LARGE1: variants seen among roughly 807,000 people sequenced by gnomAD.
The protein encoded by LARGE1 is LARGE xylosyl- and glucuronyltransferase 1.
LARGE1 carries 43 observed loss-of-function variants against 87.6 expected under a neutral mutation model. The observed-to-expected ratio is 0.49, with a 90% confidence interval of 0.38 to 0.63. LARGE1 has a LOEUF of 0.63. Ranked by LOEUF, LARGE1 falls within the 30% of genes least tolerant of loss-of-function variation. The pLI is 0.00. For synonymous variants in LARGE1, 434 were observed against 394.6 expected, an observed-to-expected ratio of 1.10 and a Z score of -1.18; for missense variants, 802 against 1,000.2, an observed-to-expected ratio of 0.80 and a Z score of 2.67.
chr22:33,552,732 AT>A (rs1213871325), intron 6 of LARGE1, among the ~76,000 whole-genome samples: 1 of 152,212 alleles, frequency 6.6e-6, no homozygotes, highest in Non-Finnish European at 1.5e-5. Context: ...ATATCAAAAC[AT>A]TTGCCAGGAG....
intron 2 of LARGE1, among the ~76,000 whole-genome samples, chr22:33,689,185 A>ATG (rs112442829): frequency 0.077 from 11,161 of 144,582 alleles, 524 homozygotes; most frequent in Middle Eastern, 0.12. Flanking sequence ...CTGTGTGTGT[A>ATG]TGTGTGTGTG....
intron 4 of LARGE1, among the ~76,000 whole-genome samples, chr22:33,625,339 A>G (rs1284932580): frequency 6.6e-6 from 1 of 152,236 alleles, no homozygotes; most frequent in Non-Finnish European, 1.5e-5. Flanking sequence ...TTCCATGAGA[A>G]AGCAGAAGCC....
At chr22:33,880,437 T>C (rs556050158) in intron 1 of LARGE1, among the ~76,000 whole-genome samples, 3 of 152,310 alleles carry the variant, frequency 2.0e-5, no homozygotes, top group South Asian at 2.1e-4. Context: ...TGAGGCTTAA[T>C]TGAGAAATGT....
chr22:33,155,667 A>T, the LARGE1 span, among the ~76,000 whole-genome samples: 2 of 152,150 alleles, frequency 1.3e-5, no homozygotes, highest in African/African-American at 4.8e-5. Context: ...GAAAATAAAA[A>T]CCCATTTTCT....
At chr22:33,142,470 G>A in the LARGE1 span, among the ~76,000 whole-genome samples, 1 of 152,046 alleles carries the variant, frequency 6.6e-6, no homozygotes, top group African/African-American at 2.4e-5. Context: ...GTTGTTTTTG[G>A]CAGTGCCCTT....
At position 33,266,686 on chromosome 22, in the gene LARGE1, C is replaced by T. The variant is rs377429370; in HGVS notation, c.1730+37543G>A. On this transcript the variant is annotated intron_variant, in intron 11 of 11. Coordinates refer to the LARGE1 transcript ENST00000608642. ...CAGCAGGAGTATGAAAAGGCTAAGA[C>T]GCTAACTGAGCAGGGAACAGCTGGT... is the stretch of plus-strand genomic sequence containing the variant. Among the ~76,000 whole-genome samples the T allele has an allele frequency of 6.6e-5, 10 of 151,732 alleles. 1 individual carries two copies. The highest frequency in any genetic ancestry group is 9.7e-5 in the African/African-American group (4 of 41,072).
chr22:33,886,774 T>TAC (rs1160350823), intron 1 of LARGE1, among the ~76,000 whole-genome samples: 2 of 151,882 alleles, frequency 1.3e-5, no homozygotes, highest in Non-Finnish European at 2.9e-5. Context: ...AAAATTATTT[T>TAC]TATAGTAAAT....
chr22:33,602,997 T>A (rs1476881178), intron 5 of LARGE1, among the ~76,000 whole-genome samples: 2 of 152,230 alleles, frequency 1.3e-5, no homozygotes, highest in Non-Finnish European at 2.9e-5. Context: ...GGAGACAGAG[T>A]GGCTTGCTTT....
chr22:33,645,041 G>T (rs903791475), intron 3 of LARGE1, among the ~76,000 whole-genome samples: 26 of 152,172 alleles, frequency 1.7e-4, no homozygotes, highest in Middle Eastern at 3.4e-3. Context: ...TTTCTTCAAA[G>T]AATTAGAAAA....
intron 12 of LARGE1, among the ~76,000 whole-genome samples, chr22:33,285,380 C>G (rs1265113676): frequency 6.6e-6 from 1 of 152,176 alleles, no homozygotes; most frequent in Non-Finnish European, 1.5e-5. Flanking sequence ...AATCCCAGCC[C>G]TTCGGGAGGC....
At chr22:33,793,421 CAG>C (rs1240330509) in intron 1 of LARGE1, among the ~76,000 whole-genome samples, 3 of 152,208 alleles carry the variant, frequency 2.0e-5, no homozygotes, top group African/African-American at 7.2e-5. Flanking sequence ...TCGTCTGAAA[CAG>C]GGAGCAGCAG....
chr22:33,350,089 C>T (rs575062365), intron 9 of LARGE1, among the ~76,000 whole-genome samples: 1 of 152,256 alleles, frequency 6.6e-6, no homozygotes, highest in South Asian at 2.1e-4. Context: ...AAAAGGACAA[C>T]AGGAAAATGA....
chr22:33,872,360 T>TATG (rs1335490822), intron 1 of LARGE1, among the ~76,000 whole-genome samples: 1 of 20,790 alleles, frequency 4.8e-5, no homozygotes, highest in Non-Finnish European at 7.0e-5. Flanking sequence ...AAATGCTATC[T>TATG]ATTATTATTA....
At chr22:33,289,787 T>A (rs1018372577) in intron 12 of LARGE1, among the ~76,000 whole-genome samples, 2 of 152,090 alleles carry the variant, frequency 1.3e-5, no homozygotes, top group African/African-American at 4.8e-5. Context: ...GTGGGGAAAC[T>A]GTGAATTTGA....
the LARGE1 span, among the ~76,000 whole-genome samples, chr22:33,084,208 G>C: frequency 6.6e-6 from 1 of 152,120 alleles, no homozygotes; most frequent in Non-Finnish European, 1.5e-5. Flanking sequence ...TCCCCAAGCT[G>C]AGTTAGGTAC....
chr22:33,425,884 G>A (rs1324406604), intron 7 of LARGE1, among the ~76,000 whole-genome samples: 3 of 152,080 alleles, frequency 2.0e-5, no homozygotes, highest in African/African-American at 4.8e-5. Context: ...CTACAGGCAC[G>A]TGCCACCATG....
chr22:33,138,987 G>T, the LARGE1 span, among the ~76,000 whole-genome samples: 1 of 152,082 alleles, frequency 6.6e-6, no homozygotes, highest in Admixed American at 6.5e-5. Flanking sequence ...TCGTGATAGT[G>T]AATAAGTCTC....
intron 1 of LARGE1, among the ~76,000 whole-genome samples, chr22:33,878,332 T>C (rs1324533932): frequency 6.6e-6 from 1 of 151,808 alleles, no homozygotes; most frequent in Non-Finnish European, 1.5e-5. Flanking sequence ...TACAAATACA[T>C]ATTGGCCAGG....
intron 3 of LARGE1, among the ~76,000 whole-genome samples, chr22:33,642,530 TAAC>T (rs2080469169): frequency 6.6e-6 from 1 of 151,886 alleles, no homozygotes; most frequent in Non-Finnish European, 1.5e-5. Context: ...AATTCACACA[TAAC>T]AATATTAACC....
Sources: allele counts gnomAD v4.1 joint callset (sites outside exome capture counted in the v4.1 genomes callset), GRCh38; gene constraint gnomAD v4.1.1; transcripts MANE v1.5; gene names NCBI Gene and HGNC (gene_info 2026-07-23, HGNC 2026-07-21).